The following CPEB4 variants were observed in gnomAD, a reference collection of about 807,000 sequenced individuals.
The protein encoded by CPEB4 is cytoplasmic polyadenylation element-binding protein 4.
Under a neutral mutation model 72.5 loss-of-function variants are expected in CPEB4, and 12 were observed. The ratio of observed to expected loss-of-function variants is 0.17; its 90% CI spans 0.11 to 0.27. The LOEUF (loss-of-function observed/expected upper bound fraction) is 0.27. Ranked by LOEUF, CPEB4 falls within the 10% of genes least tolerant of loss-of-function variation. CPEB4 has a pLI of 1.00. For missense variants in CPEB4, 614 were observed against 908.5 expected (o/e 0.68, Z 4.17); for synonymous variants, 302 against 326.3 (o/e 0.93, Z 0.80).
At chr5:173,939,574 A>AT (rs1440758762) in intron 3 of CPEB4, among the ~76,000 whole-genome samples, 1 of 152,194 alleles carries the variant, frequency 6.6e-6, no homozygotes, top group African/African-American at 2.4e-5. Flanking sequence ...TAAGTCTGGC[A>AT]TTACAGATTA....
chr5:173,935,199 A>G (rs1310090224), intron 3 of CPEB4, among the ~76,000 whole-genome samples: 1 of 152,230 alleles, frequency 6.6e-6, no homozygotes, highest in Non-Finnish European at 1.5e-5. Context: ...CTGAAAATAT[A>G]TAAGAAAAAA....
intron 4 of CPEB4, 105 bp downstream of exon 4, chr5:173,943,154 T>G: frequency 8.8e-7 from 1 of 1,133,292 alleles, no homozygotes; most frequent in Non-Finnish European, 1.3e-6. Flanking sequence ...AAATGAAGCA[T>G]AGCTTTGATC....
chr5:173,939,357 A>G (rs1263878674), intron 3 of CPEB4, among the ~76,000 whole-genome samples: 1 of 152,076 alleles, frequency 6.6e-6, no homozygotes, highest in African/African-American at 2.4e-5. Flanking sequence ...ACATACATAC[A>G]TACATACATA....
At chr5:173,942,942 A>G (rs1418251962) in intron 3 of CPEB4, 84 bp from the exon 4 acceptor site, 1 of 1,355,262 alleles carries the variant, frequency 7.4e-7, no homozygotes, top group Non-Finnish European at 1.0e-6. Context: ...AAGCTGGTAG[A>G]TGAAATCACA....
In CPEB4 at chr5:173,956,349, C is replaced by A; in HGVS notation, c.*212C>A. The A allele has an allele frequency of 2.2e-6, 1 of 458,274 alleles. No homozygotes were observed. The highest frequency in any genetic ancestry group is 3.9e-6 in the Non-Finnish European group (1 of 258,464). 28.4% of individuals were successfully genotyped at this position (458,274 alleles called of 1,614,324 possible). ...ATGAACTCCTTTTTCGTATTGCCAT[C>A]GGGTTGCATGGAAGTTTTATTCTCT... On this transcript the variant is annotated 3_prime_UTR_variant, in exon 10 of 10. Transcript: ENST00000265085.
intron 2 of CPEB4, among the ~76,000 whole-genome samples, chr5:173,915,467 G>A (rs781662587): frequency 5.3e-5 from 8 of 151,964 alleles, no homozygotes; most frequent in East Asian, 1.9e-4. Flanking sequence ...ATTTTTATCC[G>A]CGAAATTGTG....
chr5:173,917,667 A>G (rs991505979), intron 2 of CPEB4, among the ~76,000 whole-genome samples: 12 of 152,246 alleles, frequency 7.9e-5, no homozygotes, highest in Non-Finnish European at 1.0e-4. Context: ...CGGAGGTTGC[A>G]GTGAGCCAAG....
chr5:173,943,523 C>T (rs1246637888), intron 4 of CPEB4, among the ~76,000 whole-genome samples: 1 of 152,044 alleles, frequency 6.6e-6, no homozygotes, highest in East Asian at 1.9e-4. Context: ...AAATAAATGA[C>T]TAATCCTATA....
rs1755696226 is a variant in CPEB4 at position 173,888,703 on chromosome 5, C to T, written c.-1031C>T. On this transcript the variant is annotated 5_prime_UTR_variant, in exon 1 of 10. Transcript: ENST00000265085. This position sits in a 1 kb window ranked among gnomAD's most constrained non-coding sequence, Gnocchi z 4.3. ...TTTTTCCTTTTTTTCCTCTTTTTTC[C>T]CTCTCTGCGGAGAATCGAACTGAGG... The T allele has an allele frequency of 2.5e-6, 1 of 394,158 alleles. No individual in the cohort carries two copies. Among genetic ancestry groups the T allele is most frequent in the African/African-American group, 2.1e-5 (1 of 48,438 alleles). 24.4% of individuals were successfully genotyped at this position (394,158 alleles called of 1,614,324 possible).
chr5:173,931,763 A>G (rs1757455551), intron 2 of CPEB4, among the ~76,000 whole-genome samples: 2 of 152,208 alleles, frequency 1.3e-5, no homozygotes, highest in South Asian at 4.1e-4. Context: ...CCCGCCATGC[A>G]TTTGTGGCTA....
chr5:173,956,733 A>G lies in CPEB4; in HGVS notation c.*596A>G, dbSNP rs565643177. The stretch of plus-strand genomic sequence containing the variant: ...TGTTAGAGCAAACAAATGCATAAGC[A>G]AGACTGAGCAGCATTATAATTAATT... On this transcript the variant is annotated 3_prime_UTR_variant, in exon 10 of 10. Coordinates refer to ENST00000265085, the MANE Select transcript of CPEB4 (RefSeq NM_030627.4). 6.6e-6 allele frequency: 1 copy of G among 152,074 alleles called. No individual in the cohort carries two copies. Among genetic ancestry groups the G allele is most frequent in the Non-Finnish European group, 1.5e-5 (1 of 67,920 alleles). 9.4% of individuals were successfully genotyped at this position (152,074 alleles called of 1,614,324 possible). A position where few individuals can be genotyped will look rare whatever the true frequency, so the allele number is the denominator to read the frequency against.
intron 7 of CPEB4, among the ~76,000 whole-genome samples, chr5:173,951,264 A>C (rs1758206241): frequency 6.6e-6 from 1 of 152,224 alleles, no homozygotes; most frequent in African/African-American, 2.4e-5. Context: ...TAAATGAGGT[A>C]CATGATTCTT....
At chr5:173,949,848 AT>A (rs1758154679) in intron 6 of CPEB4, 111 bp from the exon 7 acceptor site, 1 of 824,628 alleles carries the variant, frequency 1.2e-6, no homozygotes. Context: ...TATTGTTTTA[AT>A]TTTTTTCCTA....
intron 8 of CPEB4, 149 bp from the exon 9 acceptor site, chr5:173,952,941 AT>A (rs1758259312): frequency 2.2e-5 from 14 of 644,886 alleles, no homozygotes; most frequent in Non-Finnish European, 3.6e-5. Context: ...GCTTAACACA[AT>A]GGATGACTGG....
chr5:173,918,162 TCTC>T (rs1756946462), intron 2 of CPEB4: 1 of 152,322 alleles, frequency 6.6e-6, no homozygotes, highest in Admixed American at 6.5e-5. Context: ...GTACTCTCCC[TCTC>T]TTGACTGCGG....
intron 2 of CPEB4, among the ~76,000 whole-genome samples, chr5:173,919,768 C>T (rs532746244): frequency 1.1e-4 from 16 of 152,282 alleles, no homozygotes; most frequent in Middle Eastern, 3.4e-3. Context: ...GCAACAGGAA[C>T]GAGGGAACAG....
At chr5:173,902,239 C>T (rs1041875807) in intron 1 of CPEB4, among the ~76,000 whole-genome samples, 1 of 152,088 alleles carries the variant, frequency 6.6e-6, no homozygotes, top group Non-Finnish European at 1.5e-5. Context: ...TTTCCCTTCC[C>T]TTCTTTACCA....
At chr5:173,944,287 AT>A (rs996838984) in intron 4 of CPEB4, among the ~76,000 whole-genome samples, 4 of 152,146 alleles carry the variant, frequency 2.6e-5, no homozygotes, top group African/African-American at 9.7e-5. Context: ...GTTAAGGTAA[AT>A]AAAAATGAGT....
At chr5:173,891,019 A>G (rs1421434681) in intron 1 of CPEB4, among the ~76,000 whole-genome samples, 161 bp downstream of exon 1, 2 of 152,196 alleles carry the variant, frequency 1.3e-5, no homozygotes, top group East Asian at 3.8e-4. Context: ...TGTAATTGGA[A>G]CAAAATATTC....
Sources: gnomAD v4.1 joint callset for allele counts (sites outside exome capture counted in the v4.1 genomes callset) on GRCh38, gnomAD v4.1.1 for gene constraint, Gnocchi (gnomAD v3.1) non-coding constraint, MANE v1.5 for transcripts, NCBI Gene and HGNC (gene_info 2026-07-23, HGNC 2026-07-21) for gene names.